The following NACC2 variants were observed in gnomAD, a reference collection of about 807,000 sequenced individuals.
NACC2 encodes the protein NACC family member 2, also known as nucleus accumbens-associated protein 2.
NACC2 carries 8 observed loss-of-function variants against 25.1 expected under a neutral mutation model. The observed-to-expected ratio is 0.32, with a 90% CI of 0.19 to 0.57. The LOEUF (loss-of-function observed/expected upper bound fraction) is 0.57. NACC2 is among the 20% of genes least tolerant of loss of function. NACC2 has a pLI of 0.89. For missense variants in NACC2, 644 were observed against 650.2 expected, an observed-to-expected ratio of 0.99 and a Z score of 0.10; for synonymous variants, 435 against 294.7, an observed-to-expected ratio of 1.48 and a Z score of -4.88.
At chr9:136,035,559 C>T (rs1169354067) in intron 2 of NACC2, among the ~76,000 whole-genome samples, 1 of 152,002 alleles carries the variant, frequency 6.6e-6, no homozygotes, top group African/African-American at 2.4e-5. Context: ...GATTAAATAC[C>T]ACATCAGGGA....
intron 1 of NACC2, among the ~76,000 whole-genome samples, chr9:136,089,705 GTTC>G (rs1830416137): frequency 6.6e-6 from 1 of 151,804 alleles, no homozygotes; most frequent in Non-Finnish European, 1.5e-5. Flanking sequence ...AGTGAGTCAT[GTTC>G]TTCTACTTTC....
intron 2 of NACC2, among the ~76,000 whole-genome samples, chr9:136,034,730 G>C (rs918743578): frequency 1.3e-5 from 2 of 152,176 alleles, no homozygotes; most frequent in African/African-American, 4.8e-5. Flanking sequence ...CAGTGAGTGG[G>C]GGATATAGGG....
intron 3 of NACC2, among the ~76,000 whole-genome samples, chr9:136,015,298 A>C (rs561555348): frequency 6.6e-6 from 1 of 152,334 alleles, no homozygotes; most frequent in South Asian, 2.1e-4. Flanking sequence ...GGGCCCACCC[A>C]GCCGCCCCGG....
intron 2 of NACC2, among the ~76,000 whole-genome samples, chr9:136,047,552 G>T (rs1004605669): frequency 2.6e-5 from 4 of 152,292 alleles, no homozygotes; most frequent in East Asian, 1.9e-4. Context: ...AGAGAATGCC[G>T]CGCAGCACCT....
At chr9:136,061,894 C>T (rs533410752) in intron 1 of NACC2, among the ~76,000 whole-genome samples, 14 of 152,214 alleles carry the variant, frequency 9.2e-5, no homozygotes, top group Admixed American at 2.0e-4. Flanking sequence ...CCAAGGCGGG[C>T]GGATCACCTG....
chr9:136,036,632 G>C (rs1271011881), intron 2 of NACC2, among the ~76,000 whole-genome samples: 2 of 152,076 alleles, frequency 1.3e-5, no homozygotes, highest in Non-Finnish European at 2.9e-5. Context: ...ACAGGAATGA[G>C]GGGAGAAATG....
chr9:136,067,575 C>T (rs148166809), intron 1 of NACC2, among the ~76,000 whole-genome samples: 20 of 152,146 alleles, frequency 1.3e-4, no homozygotes, highest in African/African-American at 4.1e-4. Flanking sequence ...CGGTGGCTCA[C>T]GCCTGTAATC....
intron 1 of NACC2, among the ~76,000 whole-genome samples, chr9:136,058,868 G>A (rs750496294): frequency 1.6e-4 from 25 of 152,376 alleles, no homozygotes; most frequent in East Asian, 1.9e-4. Flanking sequence ...AAGCCATGGA[G>A]GGGACGCAGG....
chr9:136,024,485 AGT>A (rs549612580), intron 2 of NACC2, among the ~76,000 whole-genome samples: 6 of 90,526 alleles, frequency 6.6e-5, no homozygotes, highest in East Asian at 3.5e-4. Flanking sequence ...GTGTGAGGAC[AGT>A]GTGTGTGAGG....
Position 136,019,457 on chromosome 9 carries a change from C to T in NACC2, c.887-3028G>A, listed in dbSNP as rs1460501181. ...GGCCTCCTGTCACCCCAGGACTGGC[C>T]GCTGTAGCAGAACTGCCACCTTCAC... On this transcript the variant is annotated intron_variant, in intron 2 of 5. Coordinates refer to ENST00000277554, the MANE Select transcript of NACC2 (RefSeq NM_144653.5). The surrounding 1 kb of genome is among the most constrained non-coding windows in gnomAD (Gnocchi z 5.2). The T allele has an allele frequency of 6.6e-6, 1 of 152,220 alleles. No homozygotes were observed. Among genetic ancestry groups the T allele is most frequent in the Admixed American group, 6.5e-5 (1 of 15,280 alleles). 9.4% of individuals were successfully genotyped at this position (152,220 alleles called of 1,614,324 possible).
intron 2 of NACC2, among the ~76,000 whole-genome samples, chr9:136,023,939 CCACA>C (rs1381635240): frequency 6.6e-6 from 1 of 152,252 alleles, no homozygotes; most frequent in Non-Finnish European, 1.5e-5. Flanking sequence ...ATGCCCCCAA[CCACA>C]CAAATGCACA....
intron 2 of NACC2, among the ~76,000 whole-genome samples, chr9:136,024,095 G>A (rs181969795): frequency 1.3e-5 from 2 of 151,304 alleles, no homozygotes; most frequent in African/African-American, 2.4e-5. Context: ...GGGCCAGAGT[G>A]TGTGTGTGTG....
At chr9:136,042,412 G>T (rs958377620) in intron 2 of NACC2, among the ~76,000 whole-genome samples, 1 of 152,004 alleles carries the variant, frequency 6.6e-6, no homozygotes. Context: ...CAATGGAACC[G>T]AACAGAATCC....
chr9:136,053,353 G>A (rs373001530), intron 1 of NACC2, among the ~76,000 whole-genome samples: 3,355 of 152,292 alleles, frequency 0.022, 46 homozygotes, highest in Non-Finnish European at 0.034. Flanking sequence ...AGGTGGCTTC[G>A]TGCCTAGTGT....
intron 1 of NACC2, among the ~76,000 whole-genome samples, chr9:136,069,349 G>C (rs936708385): frequency 2.1e-5 from 3 of 144,098 alleles, no homozygotes; most frequent in Admixed American, 6.9e-5. Context: ...AGGAGGTCGA[G>C]ACCAGCCTGG....
chr9:136,079,464 C>G (rs944476463), intron 1 of NACC2, among the ~76,000 whole-genome samples: 1 of 152,230 alleles, frequency 6.6e-6, no homozygotes, highest in Admixed American at 6.5e-5. Context: ...CCAGACAGGC[C>G]CCAGGCTGTA....
At chr9:136,017,761 G>A (rs1840224338) in intron 2 of NACC2, among the ~76,000 whole-genome samples, 1 of 152,174 alleles carries the variant, frequency 6.6e-6, no homozygotes, top group Non-Finnish European at 1.5e-5. Flanking sequence ...AGCACAAAAG[G>A]CAAGGCCCTG....
At chr9:136,054,115 C>T (rs1317839396) in intron 1 of NACC2, among the ~76,000 whole-genome samples, 2 of 152,228 alleles carry the variant, frequency 1.3e-5, no homozygotes, top group African/African-American at 4.8e-5. Flanking sequence ...TGAAGCCTCA[C>T]ACACAGAAAG....
At chr9:136,014,693 G>A (rs752519453) in intron 3 of NACC2, among the ~76,000 whole-genome samples, 3 of 152,184 alleles carry the variant, frequency 2.0e-5, no homozygotes, top group Non-Finnish European at 4.4e-5. Flanking sequence ...CTCAGGCAAC[G>A]ATGAGGGAGA....
Sources: allele counts gnomAD v4.1 joint callset (sites outside exome capture counted in the v4.1 genomes callset), GRCh38; gene constraint gnomAD v4.1.1; non-coding constraint Gnocchi (gnomAD v3.1); transcripts MANE v1.5; gene names NCBI Gene and HGNC (gene_info 2026-07-23, HGNC 2026-07-21).